GUCY1A1: variants seen among roughly 807,000 people sequenced by gnomAD.
The protein encoded by GUCY1A1 is guanylate cyclase 1 soluble subunit alpha 1.
A neutral mutation model predicts 64.5 loss-of-function variants in GUCY1A1; 48 were observed. That is an observed-to-expected ratio of 0.74 (90% CI 0.59 to 0.95). GUCY1A1 has a LOEUF of 0.95. Ranked by LOEUF, GUCY1A1 falls within the 40% of genes least tolerant of loss-of-function variation. The pLI is 0.00. For missense variants in GUCY1A1, 804 were observed against 825.3 expected, an observed-to-expected ratio of 0.97 and a Z score of 0.32; for synonymous variants, 308 against 303.4, an observed-to-expected ratio of 1.02 and a Z score of -0.16.
rs1037523020 is a variant in GUCY1A1 at position 155,732,378 on chromosome 4, A to T, written c.*2147A>T. 3.9e-5 allele frequency: 6 copies of T among 152,664 alleles called. No individual in the cohort carries two copies. Among genetic ancestry groups the T allele is most frequent in the African/African-American group, 1.4e-4 (6 of 41,410 alleles). 9.5% of individuals were successfully genotyped at this position (152,664 alleles called of 1,614,324 possible). On this transcript the variant is annotated 3_prime_UTR_variant, in exon 10 of 10. Coordinates refer to ENST00000506455, the MANE Select transcript of GUCY1A1 (RefSeq NM_001130682.3). ...TCACAGTGAAGTTAAATCATCTGTG[A>T]TAGGTTCCCCAGACCAGCCTACAAA...
chr4:155,692,808 C>T (rs28531888), intron 2 of GUCY1A1, among the ~76,000 whole-genome samples: 31,718 of 152,078 alleles, frequency 0.21, 3,363 homozygotes, highest in Middle Eastern at 0.25. Flanking sequence ...TCTGTAATCC[C>T]AGTGCTTTGG....
rs559059827 is a variant in GUCY1A1 at position 155,706,560 on chromosome 4, T to C, written c.318-1676T>C. On this transcript the variant is annotated intron_variant, in intron 4 of 9. Coordinates refer to ENST00000506455, the MANE Select transcript of GUCY1A1 (RefSeq NM_001130682.3). ...CAGTGAATGAGTGTTAGTATAGCCA[T>C]CATGTCCCTCAGGATTGGTTGCCCA... 9.9e-5 allele frequency among the ~76,000 whole-genome samples: 15 copies of C among 151,264 alleles called. No homozygotes were observed. In the South Asian group the frequency reaches 3.2e-3, roughly 32 times the overall value.
chr4:155,719,992 CGTT>C (rs1560962392), intron 8 of GUCY1A1, among the ~76,000 whole-genome samples: 1 of 152,014 alleles, frequency 6.6e-6, no homozygotes, highest in African/African-American at 2.4e-5. Flanking sequence ...GTCTTAAACA[CGTT>C]GTGTTTTAAA....
chr4:155,674,010 T>C (rs1171591425), intron 2 of GUCY1A1, among the ~76,000 whole-genome samples: 1 of 151,560 alleles, frequency 6.6e-6, no homozygotes, highest in Non-Finnish European at 1.5e-5. Context: ...TTCCCCATTT[T>C]ATACACAGTC....
chr4:155,679,662 A>G (rs1735445728), intron 2 of GUCY1A1, among the ~76,000 whole-genome samples: 1 of 152,218 alleles, frequency 6.6e-6, no homozygotes, highest in Non-Finnish European at 1.5e-5. Context: ...TTCACTCCAC[A>G]TTCAACACTG....
chr4:155,711,833 C>G (rs1732608721), intron 6 of GUCY1A1, among the ~76,000 whole-genome samples: 1 of 152,106 alleles, frequency 6.6e-6, no homozygotes, highest in African/African-American at 2.4e-5. Context: ...ACATGTATAA[C>G]TTTAACAGAA....
chr4:155,700,738 A>G (rs1481655301), intron 3 of GUCY1A1, among the ~76,000 whole-genome samples: 1 of 152,216 alleles, frequency 6.6e-6, no homozygotes, highest in Non-Finnish European at 1.5e-5. Flanking sequence ...GTGATTGTAC[A>G]AATAAGAGGA....
At chr4:155,683,271 C>CA (rs1003901588) in intron 2 of GUCY1A1, among the ~76,000 whole-genome samples, 13 of 151,554 alleles carry the variant, frequency 8.6e-5, no homozygotes, top group South Asian at 2.1e-4. Flanking sequence ...TATAGGAAAA[C>CA]AAAAAAAATG....
At chr4:155,700,021 T>G (rs114170517) in intron 3 of GUCY1A1, among the ~76,000 whole-genome samples, 2,155 of 152,300 alleles carry the variant, frequency 0.014, 57 homozygotes, top group African/African-American at 0.05. Context: ...GATCTCTTGC[T>G]TAAAGCAAAA....
rs1732421846 is a variant in GUCY1A1 at position 155,710,553 on chromosome 4, G to T, written c.388G>T (p.Glu130Ter). 2 of 1,585,032 alleles carry T rather than the reference G, an allele frequency of 1.3e-6. No individual in the cohort carries two copies. Among genetic ancestry groups the T allele is most frequent in the East Asian group, 2.2e-5 (1 of 44,720 alleles). ...EQAVAAGVPV[E>*]VIKESLGEEV... ...TTATGTGATTTCAGGAGTTCCAGTGGAGGTTATCAAAGAATCTCTTGGTGA... is the reference window on the plus strand; with the variant it reads ...TTATGTGATTTCAGGAGTTCCAGTGTAGGTTATCAAAGAATCTCTTGGTGA... The change falls in exon 6 of 10, where the codon GAG (glutamate) becomes TAG (stop). Residue 130 changes from glutamate (E) to a stop codon, truncating the protein, a stop_gained. Transcript: ENST00000506455. LOFTEE classifies it high-confidence loss of function.
At chr4:155,688,686 C>A (rs749389459) in intron 2 of GUCY1A1, among the ~76,000 whole-genome samples, 1 of 151,822 alleles carries the variant, frequency 6.6e-6, no homozygotes, top group Non-Finnish European at 1.5e-5. Context: ...CTTGGAAAAC[C>A]TCATATGCTT....
intron 2 of GUCY1A1, 140 bp from the exon 3 acceptor site, chr4:155,696,616 C>T (rs1730442310): frequency 1.1e-5 from 4 of 378,820 alleles, no homozygotes; most frequent in Admixed American, 8.3e-5. Context: ...ATGTCCTGCT[C>T]ATTTTATAAT....
intron 3 of GUCY1A1, among the ~76,000 whole-genome samples, chr4:155,699,630 G>A (rs1310393330): frequency 6.6e-6 from 1 of 152,134 alleles, no homozygotes; most frequent in Non-Finnish European, 1.5e-5. Context: ...ATACATTTGA[G>A]CTGTGTAGTC....
At position 155,690,426 on chromosome 4, in the gene GUCY1A1, A is replaced by T. The variant is rs767351184; in HGVS notation, c.-112-6330A>T. On this transcript the variant is annotated intron_variant, in intron 2 of 9. Coordinates refer to ENST00000506455, the MANE Select transcript of GUCY1A1 (RefSeq NM_001130682.3). ...CCATTTTTCATTCTACATTCCAAATAATCTTCTAAAAATGCAGTCTAATTC... is the reference window on the plus strand; with the variant it reads ...CCATTTTTCATTCTACATTCCAAATTATCTTCTAAAAATGCAGTCTAATTC... 5.3e-5 allele frequency among the ~76,000 whole-genome samples: 8 copies of T among 152,176 alleles called. No individual in the cohort carries two copies. The South Asian group carries it at 1.7e-3, about 32-fold the overall frequency.
At chr4:155,708,481 T>C (rs1343107933) in intron 5 of GUCY1A1, among the ~76,000 whole-genome samples, 187 bp downstream of exon 5, 1 of 152,212 alleles carries the variant, frequency 6.6e-6, no homozygotes, top group African/African-American at 2.4e-5. Flanking sequence ...AAACATTTTC[T>C]CTGTTTATGT....
At chr4:155,712,570 A>C (rs2126869888) in intron 6 of GUCY1A1, among the ~76,000 whole-genome samples, 1 of 152,294 alleles carries the variant, frequency 6.6e-6, no homozygotes, top group Non-Finnish European at 1.5e-5. Context: ...ATTAAGATAA[A>C]AATCTTACCT....
intron 3 of GUCY1A1, among the ~76,000 whole-genome samples, chr4:155,701,211 C>G (rs1035555653): frequency 3.9e-5 from 6 of 152,130 alleles, no homozygotes; most frequent in Non-Finnish European, 8.8e-5. Context: ...TCCAGAAGAG[C>G]AATGGTATAA....
chr4:155,723,438 C>T (rs543966320), intron 9 of GUCY1A1, among the ~76,000 whole-genome samples: 2 of 152,140 alleles, frequency 1.3e-5, no homozygotes, highest in Admixed American at 1.3e-4. Context: ...CCACCTTTAA[C>T]CGGAAAATAA....
At chr4:155,701,302 T>A (rs934141229) in intron 3 of GUCY1A1, among the ~76,000 whole-genome samples, 6 of 152,196 alleles carry the variant, frequency 3.9e-5, no homozygotes, top group Non-Finnish European at 8.8e-5. Flanking sequence ...CGGACTTTAT[T>A]CCTTTTTTTC....
Sources: gnomAD v4.1 joint callset for allele counts (sites outside exome capture counted in the v4.1 genomes callset) on GRCh38, gnomAD v4.1.1 for gene constraint, MANE v1.5 for transcripts, NCBI Gene and HGNC (gene_info 2026-07-23, HGNC 2026-07-21) for gene names.